DSC2: variants seen among roughly 807,000 people sequenced by gnomAD.
The protein encoded by DSC2 is desmocollin 2, also known as desmocollin-2.
In DSC2, 51 loss-of-function variants were observed where a neutral mutation model predicts 87.6. The observed-to-expected ratio is 0.58, with a 90% CI of 0.46 to 0.74. DSC2 has a LOEUF of 0.74. DSC2 is among the 30% of genes least tolerant of loss of function. The probability of loss-of-function intolerance (pLI) is 0.00; values close to 1 mark genes in which losing one functional copy is unlikely to be tolerated. For synonymous variants in DSC2, 383 were observed against 393.2 expected, an observed-to-expected ratio of 0.97 and a Z score of 0.31; for missense variants, 1,066 against 1,089.5, an observed-to-expected ratio of 0.98 and a Z score of 0.30.
chr18:31,070,599 C>A, intron 14 of DSC2, 127 bp downstream of exon 14: 1 of 1,263,628 alleles, frequency 7.9e-7, no homozygotes, highest in South Asian at 1.3e-5. Flanking sequence ...TTTCAGGGGA[C>A]CCATGACATT....
rs369676996 is a variant in DSC2, at chr18:31,093,418, G to T, written c.154+141C>A. Reference sequence around the variant, plus strand: ...TGATTTTCTATTCCTGTGTTAGTTTGCTGAGAATAATTGCTTCCAGCTCCA... The same window carrying T: ...TGATTTTCTATTCCTGTGTTAGTTTTCTGAGAATAATTGCTTCCAGCTCCA... On this transcript the variant is annotated intron_variant, in intron 2 of 15. Coordinates refer to ENST00000280904, the MANE Select transcript of DSC2 (RefSeq NM_024422.6). 209 of 541,396 alleles carry T rather than the reference G, an allele frequency of 3.9e-4. 1 individual carries two copies. The East Asian group carries it at 6.3e-3, about 16-fold the overall frequency. 33.5% of individuals were successfully genotyped at this position (541,396 alleles called of 1,614,324 possible). A position where few individuals can be genotyped will look rare whatever the true frequency, so the allele number is the denominator to read the frequency against.
At chr18:31,073,373 GCACACACACACACACA>G (rs34582584) in intron 12 of DSC2, among the ~76,000 whole-genome samples, 1 of 146,974 alleles carries the variant, frequency 6.8e-6, no homozygotes, top group Non-Finnish European at 1.5e-5. Context: ...ACACACACAC[GCACACACACACACACA>G]CACACACACA....
chr18:31,071,453 A>G (rs766504011), intron 13 of DSC2, 152 bp downstream of exon 13: 287 of 727,164 alleles, frequency 3.9e-4, no homozygotes, highest in Non-Finnish European at 5.9e-4. Context: ...AGGCTGAGGC[A>G]TAAGAATCAC....
At chr18:31,080,941 A>G (rs947200904) in intron 9 of DSC2, among the ~76,000 whole-genome samples, 3 of 152,190 alleles carry the variant, frequency 2.0e-5, no homozygotes, top group African/African-American at 7.2e-5. Context: ...AGCTGGAAAA[A>G]AAAAAGGACA....
rs758759298 is a variant in DSC2 at position 31,089,581 on chromosome 18, G to T, written c.488C>A (p.Thr163Lys). The T allele has an allele frequency of 6.2e-7, 1 of 1,613,682 alleles. No homozygotes were observed. The highest frequency in any genetic ancestry group is 8.5e-7 in the Non-Finnish European group (1 of 1,179,770). ...ATAGTATATGGTATAGTTTTGGGCC[G>T]TGTCAGATTGAACCTAGAAAGTAGA... ...PLFLQQVQSD[T>K]AQNYTIYYSI... The change falls in exon 5 of 16, where the codon ACG (threonine) becomes AAG (lysine). Residue 163 changes from threonine to lysine, a missense_variant. Thr to Lys is a moderately conservative substitution (Grantham distance 78). Coordinates refer to ENST00000280904, the MANE Select transcript of DSC2 (RefSeq NM_024422.6).
At chr18:31,090,993 A>G (rs1240547982) in intron 4 of DSC2, 35 bp downstream of exon 4, 1 of 1,613,760 alleles carries the variant, frequency 6.2e-7, no homozygotes, top group South Asian at 1.1e-5. Context: ...GATGGAAACT[A>G]TAGACTCCCA....
chr18:31,092,476 A>C (rs185410415), intron 2 of DSC2, among the ~76,000 whole-genome samples, 176 bp from the exon 3 acceptor site: 2 of 152,236 alleles, frequency 1.3e-5, no homozygotes, highest in African/African-American at 4.8e-5. Context: ...AAATACTTAC[A>C]TCACTTCTAA....
In DSC2 at chr18:31,068,145, T is replaced by C. The variant is rs758950880; in HGVS notation, c.2576A>G (p.Tyr859Cys). 1.1e-5 allele frequency: 18 copies of C among 1,613,952 alleles called. No homozygotes were observed. In the Admixed American group the frequency reaches 1.3e-4, roughly 12 times the overall value. Residue 859 changes from tyrosine to cysteine, a missense_variant, in exon 16 of 16, where the codon TAT becomes TGT. By Grantham distance (194) the Tyr-to-Cys change is radical. Coordinates refer to ENST00000280904, the MANE Select transcript of DSC2 (RefSeq NM_024422.6). ...HAQDYVLTYN[Y>C]EGRGSVAGSV... ...CCCAGCCACCGATCCTCTTCCTTCA[T>C]AGTTATATGTCAGGACATAGTCTTG...
chr18:31,101,761 G>A, intron 1 of DSC2, 142 bp downstream of exon 1: 2 of 171,130 alleles, frequency 1.2e-5, no homozygotes. Context: ...CCCCACCCCC[G>A]CCAACTCCAT....
chr18:31,069,711 T>A, intron 14 of DSC2, among the ~76,000 whole-genome samples: 1 of 142,884 alleles, frequency 7.0e-6, no homozygotes, highest in Non-Finnish European at 1.5e-5. Flanking sequence ...CCAGATCTTG[T>A]CTCAAAAAAA....
rs1220979594 is a variant in DSC2 at position 31,091,054 on chromosome 18, C to A, written c.448G>T (p.Gly150Cys). 6 of 1,613,808 alleles carry A rather than the reference C, an allele frequency of 3.7e-6. No individual in the cohort carries two copies. Among genetic ancestry groups the A allele is most frequent in the Admixed American group, 1.7e-5 (1 of 59,984 alleles). Residue 150 changes from glycine to cysteine, a missense_variant, in exon 4 of 16, where the codon GGT (glycine) becomes TGT (cysteine). Transcript: ENST00000280904. ...IPCSMLENSL[G>C]PFPLFLQQVQ... is the part of the protein sequence containing the mutation. ...TGTTGAAGGAAAAGTGGAAAAGGAC[C>A]CAAGGAGTTTTCTAGCATCGAACAA... is the stretch of plus-strand genomic sequence containing the variant.
intron 1 of DSC2, among the ~76,000 whole-genome samples, chr18:31,096,868 A>G (rs1987776673): frequency 6.6e-6 from 1 of 152,154 alleles, no homozygotes; most frequent in African/African-American, 2.4e-5. Context: ...GATGTAAAAA[A>G]AATCTCTGCA....
intron 8 of DSC2, 136 bp from the exon 9 acceptor site, chr18:31,082,559 T>C: frequency 1.2e-6 from 1 of 827,634 alleles, no homozygotes; most frequent in Non-Finnish European, 1.9e-6. Context: ...CTATACAACT[T>C]TTAATGTCAC....
At chr18:31,092,856 A>ACAGT (rs976995731) in intron 2 of DSC2, among the ~76,000 whole-genome samples, 9 of 152,290 alleles carry the variant, frequency 5.9e-5, no homozygotes, top group African/African-American at 2.2e-4. Flanking sequence ...ACTAAAAAAA[A>ACAGT]CAGTTTCAGT....
intron 1 of DSC2, among the ~76,000 whole-genome samples, chr18:31,099,668 T>A (rs548568463): frequency 6.6e-6 from 1 of 151,020 alleles, no homozygotes; most frequent in South Asian, 2.1e-4. Context: ...AAAGAATGAG[T>A]CATTTGGATT....
chr18:31,079,124 T>C (rs1237874169), intron 11 of DSC2, among the ~76,000 whole-genome samples: 1 of 152,200 alleles, frequency 6.6e-6, no homozygotes, highest in African/African-American at 2.4e-5. Flanking sequence ...TTTCCAGGAC[T>C]GCACTGTGTA....
intron 2 of DSC2, among the ~76,000 whole-genome samples, chr18:31,092,901 T>C (rs754228361): frequency 2.0e-5 from 3 of 152,210 alleles, no homozygotes; most frequent in African/African-American, 4.8e-5. Context: ...ATGTTAAATG[T>C]CTTTATCTTT....
In DSC2 at chr18:31,068,261, C is replaced by T. The variant is rs758898067; in HGVS notation, c.2509-49G>A. ...TTTTTATTATTATTATTTTAAACACCAAAATTTACTAACATAAAAGTAATT... is the reference window on the plus strand; with the variant it reads ...TTTTTATTATTATTATTTTAAACACTAAAATTTACTAACATAAAAGTAATT... On this transcript the variant is annotated intron_variant, in intron 15 of 15. Coordinates refer to ENST00000280904, the MANE Select transcript of DSC2 (RefSeq NM_024422.6). The T allele has an allele frequency of 3.8e-5, 62 of 1,612,054 alleles. 1 individual carries two copies. In the Middle Eastern group the frequency reaches 1.6e-3, roughly 43 times the overall value.
intron 1 of DSC2, among the ~76,000 whole-genome samples, chr18:31,094,049 T>A: frequency 6.6e-6 from 1 of 152,112 alleles, no homozygotes; most frequent in Non-Finnish European, 1.5e-5. Context: ...TTGTTTACTA[T>A]ATTGTAAAAC....
Sources: gnomAD v4.1 joint callset for allele counts (sites outside exome capture counted in the v4.1 genomes callset) on GRCh38, gnomAD v4.1.1 for gene constraint, MANE v1.5 for transcripts, NCBI Gene and HGNC (gene_info 2026-07-23, HGNC 2026-07-21) for gene names.